Variants in DAG1 observed in about 807,000 individuals in gnomAD.
The protein encoded by DAG1 is dystroglycan 1, also known as dystroglycan 1 (dystrophin-associated glycoprotein 1).
DAG1 carries 8 observed loss-of-function variants against 46.1 expected under a neutral mutation model. The observed-to-expected ratio is 0.17, with a 90% CI of 0.10 to 0.31. The LOEUF (loss-of-function observed/expected upper bound fraction) is 0.31, where lower values mean the gene tolerates loss of function less well. DAG1 is among the 10% of genes least tolerant of loss of function. The pLI is 1.00. For synonymous variants in DAG1, 495 were observed against 481.8 expected (o/e 1.03, Z -0.36); for missense variants, 1,003 against 1,189.9 (o/e 0.84, Z 2.31).
intron 2 of DAG1, among the ~76,000 whole-genome samples, chr3:49,521,051 G>A (rs1575398953): frequency 6.6e-6 from 1 of 152,166 alleles, no homozygotes; most frequent in African/African-American, 2.4e-5. Context: ...CTAAGTAATA[G>A]AAGCTCCTCC....
chr3:49,510,962 T>A, intron 2 of DAG1, 143 bp downstream of exon 2: 4 of 1,521,450 alleles, frequency 2.6e-6, no homozygotes, highest in Non-Finnish European at 2.6e-6. Flanking sequence ...CAGCCACTGA[T>A]GTTCATAAGA....
chr3:49,500,450 T>G (rs1246591139), intron 1 of DAG1, among the ~76,000 whole-genome samples: 2 of 152,152 alleles, frequency 1.3e-5, no homozygotes, highest in African/African-American at 4.8e-5. Context: ...CTGAGGGTGT[T>G]TATCTGCAGT....
chr3:49,508,878 G>T (rs2050686329), intron 1 of DAG1, among the ~76,000 whole-genome samples: 1 of 152,164 alleles, frequency 6.6e-6, no homozygotes, highest in African/African-American at 2.4e-5. Context: ...GTTGCCACAT[G>T]AATGTATCTC....
At chr3:49,472,523 T>C (rs2049549907) in intron 1 of DAG1, among the ~76,000 whole-genome samples, 1 of 152,060 alleles carries the variant, frequency 6.6e-6, no homozygotes, top group Admixed American at 6.6e-5. Context: ...TTAAAAACTT[T>C]ATCGCCGGGC....
chr3:49,521,662 TGGTGTTTAGTGCCTACA>T (rs2051030807), intron 2 of DAG1, among the ~76,000 whole-genome samples: 1 of 152,048 alleles, frequency 6.6e-6, no homozygotes, highest in African/African-American at 2.4e-5. Flanking sequence ...CCCAGGCTGA[TGGTGTTTAGTGCCTACA>T]GGTGCTGTAT....
chr3:49,482,868 T>C (rs1174862871), intron 1 of DAG1, among the ~76,000 whole-genome samples: 2 of 152,104 alleles, frequency 1.3e-5, no homozygotes, highest in Non-Finnish European at 2.9e-5. Flanking sequence ...CCCCCAGGCA[T>C]CCTAGGGGTT....
chr3:49,478,802 C>CTTTTTTT lies in DAG1; in HGVS notation c.-117+8391_-117+8397dup, dbSNP rs201202889. ...TGAAAAGTCTCTTGTCGTCCCCTCCCTTTTTTTTTTTTTTTTTTTTTTTTT... is the reference window on the plus strand; with the variant it reads ...TGAAAAGTCTCTTGTCGTCCCCTCCCTTTTTTTTTTTTTTTTTTTTTTTTTTTTTTTT... On this transcript the variant is annotated intron_variant, in intron 1 of 2. Transcript: ENST00000308775. Among the ~76,000 whole-genome samples the CTTTTTTT allele has an allele frequency of 1.3e-3, 100 of 76,008 alleles. 4 individuals are homozygous for CTTTTTTT. Among genetic ancestry groups the CTTTTTTT allele is most frequent in the African/African-American group, 3.0e-3 (55 of 18,622 alleles). 49.9% of individuals were successfully genotyped at this position (76,008 alleles called of 152,430 possible).
At chr3:49,497,572 A>T (rs1278618103) in intron 1 of DAG1, among the ~76,000 whole-genome samples, 1 of 152,036 alleles carries the variant, frequency 6.6e-6, no homozygotes, top group African/African-American at 2.4e-5. Flanking sequence ...TTACTGTACC[A>T]CTGTACTCCA....
At chr3:49,478,056 C>T (rs1482165215) in intron 1 of DAG1, among the ~76,000 whole-genome samples, 28 of 151,564 alleles carry the variant, frequency 1.8e-4, no homozygotes, top group Non-Finnish European at 1.5e-5. Flanking sequence ...CATTTTAGGT[C>T]AGGAGTCCAA....
intron 2 of DAG1, among the ~76,000 whole-genome samples, chr3:49,514,346 G>A (rs1275927029): frequency 6.6e-6 from 1 of 152,178 alleles, no homozygotes; most frequent in Non-Finnish European, 1.5e-5. Context: ...AAAAAAATCT[G>A]TGGTTTCTAC....
intron 2 of DAG1, among the ~76,000 whole-genome samples, chr3:49,515,990 T>A (rs1388891270): frequency 6.6e-6 from 1 of 152,174 alleles, no homozygotes; most frequent in African/African-American, 2.4e-5. Context: ...TCTTTTTCTT[T>A]GTATACTTTG....
chr3:49,507,614 TTTC>T (rs1186739687), intron 1 of DAG1, among the ~76,000 whole-genome samples: 1 of 151,910 alleles, frequency 6.6e-6, no homozygotes, highest in African/African-American at 2.4e-5. Flanking sequence ...CCTTAATATT[TTTC>T]TTTTCTTTTT....
In DAG1 at chr3:49,531,586, A is replaced by G. The variant is rs2051347944; in HGVS notation, c.1075A>G (p.Arg359Gly). ...AACAGAGACCATGGCTCCTCCAGTCAGGGATCCTGTTCCTGGGAAACCCAC... is the reference window on the plus strand; with the variant it reads ...AACAGAGACCATGGCTCCTCCAGTCGGGGATCCTGTTCCTGGGAAACCCAC... ...PPTETMAPPVRDPVPGKPTVT... is the reference protein window; with the variant it reads ...PPTETMAPPVGDPVPGKPTVT... Residue 359 changes from arginine to glycine, a missense_variant, in exon 3 of 3, where the codon AGG (arginine) becomes GGG (glycine). Physicochemically the swap from Arg to Gly is moderately radical, Grantham distance 125. This residue lies in a region of DAG1 where 755 missense variants were observed against 854.1 expected (regional missense o/e 0.88). Transcript: ENST00000308775. The surrounding 1 kb of genome is among the most constrained non-coding windows in gnomAD (Gnocchi z 7.0). 1.9e-6 allele frequency: 3 copies of G among 1,612,744 alleles called. No homozygotes were observed. The highest frequency in any genetic ancestry group is 2.5e-6 in the Non-Finnish European group (3 of 1,178,882).
Position 49,532,108 on chromosome 3 carries a change from A to G in DAG1, c.1597A>G (p.Lys533Glu). The G allele has an allele frequency of 1.2e-6, 2 of 1,614,212 alleles. No homozygotes were observed. The highest frequency in any genetic ancestry group is 1.7e-6 in the Non-Finnish European group (2 of 1,180,038). ...TGACCATGAGGACACCACCACTGAC[A>G]AGCTGAAGCTGACCCTGAAACTGCG... ...FYDHEDTTTD[K>E]LKLTLKLREQ... The change falls in exon 3 of 3, where the codon AAG (lysine) becomes GAG (glutamate). Residue 533 changes from lysine to glutamate, a missense_variant. By Grantham distance (56) the Lys-to-Glu change is moderately conservative (BLOSUM62 1). This residue lies in a region of DAG1 where 755 missense variants were observed against 854.1 expected (regional missense o/e 0.88). Coordinates refer to ENST00000308775, the MANE Select transcript of DAG1 (RefSeq NM_004393.6). The surrounding 1 kb of genome is among the most constrained non-coding windows in gnomAD (Gnocchi z 5.4).
At chr3:49,499,599 GA>G (rs1575370483) in intron 1 of DAG1, among the ~76,000 whole-genome samples, 1 of 152,182 alleles carries the variant, frequency 6.6e-6, no homozygotes, top group East Asian at 1.9e-4. Context: ...TAGCTCTGGG[GA>G]GGCAGCCTGA....
intron 1 of DAG1, among the ~76,000 whole-genome samples, chr3:49,478,802 C>CTTTTTTTTTTTTTTTTTTTTTTTTTTTTT (rs201202889): frequency 5.3e-5 from 4 of 76,012 alleles, no homozygotes; most frequent in Non-Finnish European, 7.3e-5. Flanking sequence ...CGTCCCCTCC[C>CTTTTTTTTTTTTTTTTTTTTTTTTTTTTT]TTTTTTTTTT....
At chr3:49,473,705 C>T (rs1413231787) in intron 1 of DAG1, among the ~76,000 whole-genome samples, 1 of 151,346 alleles carries the variant, frequency 6.6e-6, no homozygotes, top group Admixed American at 6.6e-5. Flanking sequence ...GCCTCAGCCT[C>T]CCGAGTAGCT....
chr3:49,471,642 A>G (rs1287929278), intron 1 of DAG1, among the ~76,000 whole-genome samples: 3 of 152,178 alleles, frequency 2.0e-5, no homozygotes, highest in African/African-American at 4.8e-5. Context: ...TGAAGACCCT[A>G]TGGGATATAA....
chr3:49,477,962 C>CA (rs1162078940), intron 1 of DAG1, among the ~76,000 whole-genome samples: 2 of 141,234 alleles, frequency 1.4e-5, no homozygotes, highest in Non-Finnish European at 3.1e-5. Context: ...AACTGCATCT[C>CA]AAAAAAAAAG....
Sources: allele counts gnomAD v4.1 joint callset (sites outside exome capture counted in the v4.1 genomes callset), GRCh38; gene constraint gnomAD v4.1.1; regional missense constraint gnomAD v4.1.1; non-coding constraint Gnocchi (gnomAD v3.1); transcripts MANE v1.5; gene names NCBI Gene and HGNC (gene_info 2026-07-23, HGNC 2026-07-21).